The following LIX1 variants were observed in gnomAD, a reference collection of about 807,000 sequenced individuals.
LIX1 encodes limb and CNS expressed 1.
Under a neutral mutation model 33.4 loss-of-function variants are expected in LIX1, and 24 were observed. The ratio of observed to expected loss-of-function variants is 0.72; its 90% CI spans 0.52 to 1.01. LIX1 has a LOEUF of 1.01. LIX1 is among the 50% of genes least tolerant of loss of function. LIX1 has a pLI of 0.00. For missense variants in LIX1, 311 were observed against 339.2 expected, an observed-to-expected ratio of 0.92 and a Z score of 0.65; for synonymous variants, 124 against 124.0, an observed-to-expected ratio of 1.00 and a Z score of 0.00.
intron 4 of LIX1, among the ~76,000 whole-genome samples, chr5:97,100,769 CT>C (rs1192114676): frequency 6.6e-6 from 1 of 151,828 alleles, no homozygotes; most frequent in Non-Finnish European, 1.5e-5. Context: ...TGGAGAAGCT[CT>C]GTTACTCTAA....
At chr5:97,095,080 A>T in intron 5 of LIX1, 45 bp from the exon 6 acceptor site, 1 of 1,575,610 alleles carries the variant, frequency 6.3e-7, no homozygotes, top group Non-Finnish European at 8.7e-7. Context: ...AAAAAGCAAC[A>T]AAGGCACCCG....
Position 97,142,609 on chromosome 5 carries a change from A to T in LIX1, c.-33T>A. The T allele has an allele frequency of 6.5e-7, 1 of 1,548,126 alleles. No homozygotes were observed. Among genetic ancestry groups the T allele is most frequent in the Non-Finnish European group, 8.9e-7 (1 of 1,120,298 alleles). ...CTGCCTGTGTGAGCCTCCTGTACAG[A>T]GTGTCCTCATGCCTGAATTCTTGCA... On this transcript the variant is annotated 5_prime_UTR_variant, in exon 1 of 6. Coordinates refer to ENST00000274382, the MANE Select transcript of LIX1 (RefSeq NM_153234.5).
rs539744453 is a variant in LIX1, at chr5:97,097,957, T to G, written c.484-1070A>C. On this transcript the variant is annotated intron_variant, in intron 4 of 5. Transcript: ENST00000274382. Reference sequence around the variant, plus strand: ...AGAGAAGTAACTATGAAATGACCAATCCATTTTTGTCCTCTGTTTCTACCT... The same window carrying G: ...AGAGAAGTAACTATGAAATGACCAAGCCATTTTTGTCCTCTGTTTCTACCT... 8.9e-4 allele frequency among the ~76,000 whole-genome samples: 136 copies of G among 152,320 alleles called. 1 individual carries two copies. Among genetic ancestry groups the G allele is most frequent in the Non-Finnish European group, 1.8e-3 (121 of 68,018 alleles).
intron 2 of LIX1, among the ~76,000 whole-genome samples, chr5:97,117,942 A>G (rs1449060846): frequency 6.6e-6 from 1 of 151,604 alleles, no homozygotes; most frequent in African/African-American, 2.4e-5. Context: ...AAAAAGGTCA[A>G]TCAACAGTTT....
intron 4 of LIX1, among the ~76,000 whole-genome samples, chr5:97,104,934 C>A (rs73775655): frequency 0.011 from 1,685 of 152,154 alleles, 25 homozygotes; most frequent in African/African-American, 0.039. Flanking sequence ...TTACAGAATC[C>A]CTTATTTCTT....
Position 97,142,505 on chromosome 5 carries a change from G to T in LIX1, c.72C>A (p.Val24=), listed in dbSNP as rs1490597027. The change falls in exon 1 of 6, where the codon GTC becomes GTA. Residue 24 remains valine, a synonymous_variant. Coordinates refer to ENST00000274382, the MANE Select transcript of LIX1 (RefSeq NM_153234.5). ...CCCTTCAGTACTTACAGTCTTTGAA[G>T]ACTAGAGCCGGATCTCTGTGAGGCA... ...QVLPHRDPAL[V]FKDLNVVSML... 1.9e-6 allele frequency: 3 copies of T among 1,613,546 alleles called. No individual in the cohort carries two copies. Among genetic ancestry groups the T allele is most frequent in the Non-Finnish European group, 2.5e-6 (3 of 1,179,462 alleles).
At chr5:97,109,519 G>T (rs1040113336) in intron 2 of LIX1, among the ~76,000 whole-genome samples, 1 of 152,176 alleles carries the variant, frequency 6.6e-6, no homozygotes, top group South Asian at 2.1e-4. Flanking sequence ...CTCCCAAAGT[G>T]CTGGGATTAC....
chr5:97,142,518 T>A lies in LIX1; in HGVS notation c.59A>T (p.Asp20Val). ...ACAGTCTTTGAAGACTAGAGCCGGA[T>A]CTCTGTGAGGCAAGACTTGGGCAAT... Reference protein sequence around the residue: ...HIIAQVLPHRDPALVFKDLNV... With the variant: ...HIIAQVLPHRVPALVFKDLNV... The change falls in exon 1 of 6, where the codon GAT becomes GTT. Residue 20 changes from aspartate (D) to valine (V), a missense_variant. Coordinates refer to ENST00000274382, the MANE Select transcript of LIX1 (RefSeq NM_153234.5). The A allele has an allele frequency of 6.2e-7, 1 of 1,614,092 alleles. No homozygotes were observed. Among genetic ancestry groups the A allele is most frequent in the Non-Finnish European group, 8.5e-7 (1 of 1,179,918 alleles).
chr5:97,112,394 T>G (rs745997226), intron 2 of LIX1, among the ~76,000 whole-genome samples: 2 of 152,216 alleles, frequency 1.3e-5, no homozygotes, highest in Non-Finnish European at 2.9e-5. Context: ...GTCAAAGACA[T>G]CGGTTGGGGA....
chr5:97,135,292 TAATG>T (rs1251578377), intron 1 of LIX1, among the ~76,000 whole-genome samples: 8 of 152,160 alleles, frequency 5.3e-5, no homozygotes, highest in Non-Finnish European at 1.0e-4. Flanking sequence ...GGGGAAAAAT[TAATG>T]AAGGTGTAAG....
intron 1 of LIX1, among the ~76,000 whole-genome samples, chr5:97,127,516 G>T (rs972239827): frequency 6.6e-6 from 1 of 151,818 alleles, no homozygotes; most frequent in Non-Finnish European, 1.5e-5. Flanking sequence ...TATTCTTGTC[G>T]ACTCAAAAAC....
chr5:97,138,199 C>G (rs957877101), intron 1 of LIX1, among the ~76,000 whole-genome samples: 1 of 152,170 alleles, frequency 6.6e-6, no homozygotes. Context: ...GGGAAAAAAT[C>G]TCAGTGAAAT....
chr5:97,124,718 G>T, intron 1 of LIX1, 89 bp from the exon 2 acceptor site: 1 of 1,122,650 alleles, frequency 8.9e-7, no homozygotes, highest in Non-Finnish European at 1.3e-6. Flanking sequence ...GGATTCTGTA[G>T]CATGACAGTT....
chr5:97,123,447 A>T (rs1008635342), intron 2 of LIX1, among the ~76,000 whole-genome samples: 1 of 152,192 alleles, frequency 6.6e-6, no homozygotes, highest in Admixed American at 6.5e-5. Context: ...TTCATTAGGC[A>T]TGAAAGTATC....
At position 97,093,441 on chromosome 5, in the gene LIX1, A is replaced by G. The variant is rs1451040737; in HGVS notation, c.*1307T>C. On this transcript the variant is annotated 3_prime_UTR_variant, in exon 6 of 6. Coordinates refer to ENST00000274382, the MANE Select transcript of LIX1 (RefSeq NM_153234.5). ...ATGGAAAGACCTATGAGCATTTAAA[A>G]TTGACATTGCTGACATTCTTAAATT... 2 of 152,296 alleles carry G rather than the reference A, an allele frequency of 1.3e-5. No individual in the cohort carries two copies. The highest frequency in any genetic ancestry group is 2.9e-5 in the Non-Finnish European group (2 of 68,026). 9.4% of individuals were successfully genotyped at this position (152,296 alleles called of 1,614,324 possible).
chr5:97,115,991 A>C (rs1287062479), intron 2 of LIX1, among the ~76,000 whole-genome samples: 1 of 152,184 alleles, frequency 6.6e-6, no homozygotes, highest in Non-Finnish European at 1.5e-5. Context: ...CCCAAATCCT[A>C]TCGGCTGTTA....
chr5:97,137,994 G>A (rs1252762028), intron 1 of LIX1, among the ~76,000 whole-genome samples: 1 of 152,076 alleles, frequency 6.6e-6, no homozygotes, highest in African/African-American at 2.4e-5. Flanking sequence ...CTGTAGTCTG[G>A]TCCAGTTTTT....
At position 97,094,676 on chromosome 5, in the gene LIX1, G is replaced by A. The variant is rs968117752; in HGVS notation, c.*72C>T. 7.7e-6 allele frequency: 11 copies of A among 1,421,672 alleles called. No homozygotes were observed. Among genetic ancestry groups the A allele is most frequent in the Non-Finnish European group, 1.1e-5 (11 of 1,029,442 alleles). 88.1% of individuals were successfully genotyped at this position (1,421,672 alleles called of 1,614,324 possible). ...TACTAGAGATGCTGGAGCCTCTGAG[G>A]ACCTCTGCACTGAGATTCCTAATGT... On this transcript the variant is annotated 3_prime_UTR_variant, in exon 6 of 6. Transcript: ENST00000274382.
intron 1 of LIX1, 92 bp from the exon 2 acceptor site, chr5:97,124,721 T>G: frequency 9.1e-7 from 1 of 1,098,030 alleles, no homozygotes; most frequent in Non-Finnish European, 1.3e-6. Flanking sequence ...TTCTGTAGCA[T>G]GACAGTTCCA....
Sources: gnomAD v4.1 joint callset for allele counts (sites outside exome capture counted in the v4.1 genomes callset) on GRCh38, gnomAD v4.1.1 for gene constraint, MANE v1.5 for transcripts, NCBI Gene and HGNC (gene_info 2026-07-23, HGNC 2026-07-21) for gene names.